The following DCDC1 variants were observed in gnomAD, a reference collection of about 807,000 sequenced individuals.
DCDC1 encodes doublecortin domain containing 1.
A neutral mutation model predicts 178.3 loss-of-function variants in DCDC1; 200 were observed. That is an observed-to-expected ratio of 1.12 (90% CI 1.00 to 1.26). DCDC1 has a LOEUF of 1.26. Ranked by LOEUF, DCDC1 falls within the 50% of genes most tolerant of loss-of-function variation. DCDC1 has a pLI of 0.00. For missense variants in DCDC1, 1,983 were observed against 1,749.2 expected (o/e 1.13, Z -2.38); for synonymous variants, 690 against 604.8 (o/e 1.14, Z -2.07).
rs1283718297 is a variant in DCDC1 at position 31,137,779 on chromosome 11, G to T, written c.1227C>A (p.Asn409Lys). 8.6e-6 allele frequency: 6 copies of T among 701,628 alleles called. No individual in the cohort carries two copies. Among genetic ancestry groups the T allele is most frequent in the Non-Finnish European group, 1.6e-5 (6 of 384,538 alleles). 43.5% of individuals were successfully genotyped at this position (701,628 alleles called of 1,614,324 possible). The change falls in exon 10 of 39, where the codon AAC (asparagine) becomes AAA (lysine). Residue 409 changes from asparagine to lysine, a missense_variant. Physicochemically the swap from Asn to Lys is moderately conservative, Grantham distance 94. Coordinates refer to ENST00000684477, the MANE Select transcript of DCDC1 (RefSeq NM_001387274.1). ...KSAKKYYKQL[N>K]LVMNEQKEKI... ...TCTCCTTCTGTTCATTCATGACCAGGTTCAACTAGAAAAAACAAATAAACA... is the reference window on the plus strand; with the variant it reads ...TCTCCTTCTGTTCATTCATGACCAGTTTCAACTAGAAAAAACAAATAAACA...
chr11:31,302,993 T>C (rs1306212631), intron 6 of DCDC1, among the ~76,000 whole-genome samples: 12 of 152,236 alleles, frequency 7.9e-5, no homozygotes, highest in African/African-American at 2.4e-4. Context: ...AATAGTATTC[T>C]CAGTTTGAAG....
chr11:30,980,391 G>A (rs2134787488), intron 20 of DCDC1, among the ~76,000 whole-genome samples: 1 of 152,124 alleles, frequency 6.6e-6, no homozygotes, highest in South Asian at 2.1e-4. Context: ...TGGCCAAATA[G>A]CTCCATACTT....
chr11:31,065,555 C>A (rs1325615628), intron 18 of DCDC1, among the ~76,000 whole-genome samples: 2 of 151,956 alleles, frequency 1.3e-5, no homozygotes, highest in African/African-American at 4.8e-5. Flanking sequence ...GATAAGAAAA[C>A]AAATTGAATG....
chr11:31,294,796 GAAAAAGAAAGAA>G (rs1473894810), intron 6 of DCDC1, among the ~76,000 whole-genome samples: 28 of 118,568 alleles, frequency 2.4e-4, no homozygotes, highest in African/African-American at 8.1e-4. Flanking sequence ...GAAAAATAAA[GAAAAAGAAAGAA>G]AGAAAGAAAG....
intron 21 of DCDC1, chr11:30,943,075 A>AATC (rs1947768594): frequency 6.6e-6 from 1 of 151,948 alleles, no homozygotes; most frequent in Non-Finnish European, 1.5e-5. Flanking sequence ...TGGAATTCTT[A>AATC]TGTTCCCATG....
At chr11:31,276,751 GA>G (rs1202761065) in intron 7 of DCDC1, among the ~76,000 whole-genome samples, 2 of 152,084 alleles carry the variant, frequency 1.3e-5, no homozygotes, top group African/African-American at 4.8e-5. Context: ...AAAGGTAAGT[GA>G]AAGAATGTAC....
chr11:31,300,520 A>G (rs1948033209), intron 6 of DCDC1, among the ~76,000 whole-genome samples: 1 of 152,124 alleles, frequency 6.6e-6, no homozygotes, highest in South Asian at 2.1e-4. Flanking sequence ...TGAAGTGCAG[A>G]CCAGTTTGCC....
At chr11:31,203,445 G>C (rs569470550) in intron 9 of DCDC1, among the ~76,000 whole-genome samples, 129 of 152,272 alleles carry the variant, frequency 8.5e-4, no homozygotes, top group African/African-American at 2.9e-3. Context: ...TGCAGCCACT[G>C]GTTACAGACT....
chr11:31,356,709 AAG>A (rs1416316648), intron 1 of DCDC1, among the ~76,000 whole-genome samples: 3 of 151,064 alleles, frequency 2.0e-5, no homozygotes, highest in African/African-American at 7.3e-5. Context: ...TAAAGAAAAA[AAG>A]AGAGAAGAAT....
rs944857255 is a variant in DCDC1, at chr11:30,905,226, T to G, written c.4105-62A>C. 15 of 1,491,422 alleles carry G rather than the reference T, an allele frequency of 1.0e-5. No homozygotes were observed. The African/African-American group carries it at 2.1e-4, about 21-fold the overall frequency. 92.4% of individuals were successfully genotyped at this position (1,491,422 alleles called of 1,614,324 possible). A position where few individuals can be genotyped will look rare whatever the true frequency, so the allele number is the denominator to read the frequency against. ...ACTTTCTTGTTTTAGTGTGCTACAC[T>G]TTAGTCTCTTAATAAATGTGTGTAT... On this transcript the variant is annotated intron_variant, in intron 30 of 38. Coordinates refer to ENST00000684477, the MANE Select transcript of DCDC1 (RefSeq NM_001387274.1).
chr11:31,145,230 G>C (rs1300767004), intron 9 of DCDC1, among the ~76,000 whole-genome samples: 1 of 152,152 alleles, frequency 6.6e-6, no homozygotes, highest in Non-Finnish European at 1.5e-5. Context: ...TATGCATATG[G>C]TGAGAGGACG....
intron 9 of DCDC1, among the ~76,000 whole-genome samples, chr11:31,152,109 T>C (rs1048025092): frequency 6.6e-5 from 10 of 152,192 alleles, no homozygotes; most frequent in African/African-American, 2.2e-4. Flanking sequence ...TATGAATAAT[T>C]TTCATTCAAC....
At chr11:31,047,556 G>C (rs1393332394) in intron 20 of DCDC1, among the ~76,000 whole-genome samples, 1 of 152,132 alleles carries the variant, frequency 6.6e-6, no homozygotes, top group African/African-American at 2.4e-5. Context: ...CTCAAGAGTA[G>C]ACTATCACTT....
At chr11:31,181,036 C>T (rs996449749) in intron 9 of DCDC1, among the ~76,000 whole-genome samples, 4 of 152,252 alleles carry the variant, frequency 2.6e-5, no homozygotes, top group African/African-American at 7.2e-5. Context: ...GGGTGAGGGG[C>T]ATCCACCCTT....
chr11:31,267,809 G>T (rs1011343941), intron 7 of DCDC1, among the ~76,000 whole-genome samples: 6 of 152,174 alleles, frequency 3.9e-5, no homozygotes, highest in Admixed American at 3.9e-4. Flanking sequence ...ACAAAAAGAA[G>T]AGTGGAACAT....
intron 13 of DCDC1, 73 bp from the exon 14 acceptor site, chr11:31,103,842 A>G (rs1315018063): frequency 4.2e-6 from 3 of 720,722 alleles, no homozygotes; most frequent in Admixed American, 2.0e-5. Context: ...CAAATAAACA[A>G]TAAAATACAC....
intron 34 of DCDC1, among the ~76,000 whole-genome samples, chr11:30,897,189 T>C (rs2134083595): frequency 6.6e-6 from 1 of 152,312 alleles, no homozygotes; most frequent in East Asian, 1.9e-4. Context: ...TAGCACTCAA[T>C]TCTAAGAGAA....
intron 1 of DCDC1, among the ~76,000 whole-genome samples, chr11:31,341,810 T>TACACAC (rs775832478): frequency 4.8e-5 from 3 of 62,586 alleles, no homozygotes; most frequent in South Asian, 4.5e-4. Context: ...AATGCATGAC[T>TACACAC]ATACACACAC....
intron 34 of DCDC1, among the ~76,000 whole-genome samples, chr11:30,897,097 G>T (rs1944285163): frequency 6.6e-6 from 1 of 152,080 alleles, no homozygotes; most frequent in South Asian, 2.1e-4. Context: ...CTTCATGAGG[G>T]TAAATGTTTT....
Sources: gnomAD v4.1 joint callset for allele counts (sites outside exome capture counted in the v4.1 genomes callset) on GRCh38, gnomAD v4.1.1 for gene constraint, MANE v1.5 for transcripts, NCBI Gene and HGNC (gene_info 2026-07-23, HGNC 2026-07-21) for gene names.